The following MYO3B variants were observed in gnomAD, a reference collection of about 807,000 sequenced individuals.
The protein encoded by MYO3B is myosin-IIIb.
MYO3B carries 156 observed loss-of-function variants against 174.6 expected under a neutral mutation model. That is an observed-to-expected ratio of 0.89 (90% confidence interval 0.78 to 1.02). The LOEUF is 1.02. Ranked by LOEUF, MYO3B falls within the 50% of genes least tolerant of loss-of-function variation. MYO3B has a pLI of 0.00. For missense variants in MYO3B, 1,632 were observed against 1,639.4 expected, an observed-to-expected ratio of 1.00 and a Z score of 0.08; for synonymous variants, 563 against 569.1, an observed-to-expected ratio of 0.99 and a Z score of 0.15.
At chr2:170,576,894 G>T (rs747055249) in intron 32 of MYO3B, among the ~76,000 whole-genome samples, 9 of 152,146 alleles carry the variant, frequency 5.9e-5, no homozygotes, top group Non-Finnish European at 1.0e-4. Context: ...GTAGTTTTCT[G>T]TAAACCTTTA....
At chr2:170,592,604 C>T (rs1693885973) in intron 32 of MYO3B, among the ~76,000 whole-genome samples, 1 of 152,184 alleles carries the variant, frequency 6.6e-6, no homozygotes, top group Non-Finnish European at 1.5e-5. Flanking sequence ...GTACCAGGCC[C>T]TGTCCCTGGG....
intron 32 of MYO3B, among the ~76,000 whole-genome samples, chr2:170,572,817 A>G (rs1692528072): frequency 6.6e-6 from 1 of 152,202 alleles, no homozygotes; most frequent in South Asian, 2.1e-4. Flanking sequence ...CAAATGCACA[A>G]TGTAATATTA....
intron 32 of MYO3B, among the ~76,000 whole-genome samples, chr2:170,575,312 TTA>T (rs1160219252): frequency 6.6e-6 from 1 of 152,112 alleles, no homozygotes; most frequent in African/African-American, 2.4e-5. Flanking sequence ...TCCCATATGT[TTA>T]TATTTTTTTC....
chr2:170,649,041 TGTA>T lies in MYO3B; in HGVS notation c.3734-2586_3734-2584del, dbSNP rs1172651716. Reference sequence around the variant, plus strand: ...GTATAATATATAAAATAATATATAATGTATATTATATAAAATAATATATAATGT... The same window carrying T: ...GTATAATATATAAAATAATATATAATTATTATATAAAATAATATATAATGT... On this transcript the variant is annotated intron_variant, in intron 32 of 34. Transcript: ENST00000408978. Among the ~76,000 whole-genome samples the T allele has an allele frequency of 8.6e-5, 7 of 81,358 alleles. No homozygotes were observed. In the South Asian group the frequency reaches 3.1e-3, roughly 36 times the overall value. 53.4% of individuals were successfully genotyped at this position (81,358 alleles called of 152,430 possible).
intron 22 of MYO3B, among the ~76,000 whole-genome samples, chr2:170,442,667 G>A (rs1486480303): frequency 2.6e-5 from 4 of 151,786 alleles, no homozygotes; most frequent in East Asian, 1.9e-4. Flanking sequence ...CCCACTCCCC[G>A]ACAGGTCCTG....
chr2:170,325,334 A>G lies in MYO3B; in HGVS notation c.750-10051A>G, dbSNP rs549005372. On this transcript the variant is annotated intron_variant, in intron 7 of 34. Coordinates refer to ENST00000408978, the MANE Select transcript of MYO3B (RefSeq NM_138995.5). The stretch of plus-strand genomic sequence containing the variant: ...GCAATTCTCCTGCTTCAGCCTCCCA[A>G]GTAGCTGGGATTACAGGCACCCACC... Among the ~76,000 whole-genome samples the G allele has an allele frequency of 6.9e-4, 105 of 151,950 alleles. 1 individual carries two copies. The highest frequency in any genetic ancestry group is 2.5e-3 in the African/African-American group (102 of 41,458).
intron 25 of MYO3B, among the ~76,000 whole-genome samples, chr2:170,494,892 T>C (rs1305235420): frequency 6.6e-6 from 1 of 152,150 alleles, no homozygotes; most frequent in Non-Finnish European, 1.5e-5. Flanking sequence ...CCCATGTCCT[T>C]CTCCCTACCC....
chr2:170,198,474 A>C (rs752925503), intron 1 of MYO3B, among the ~76,000 whole-genome samples: 3 of 152,174 alleles, frequency 2.0e-5, no homozygotes, highest in Non-Finnish European at 4.4e-5. Flanking sequence ...AGGAGGAAGG[A>C]ACAAGAATTG....
intron 7 of MYO3B, among the ~76,000 whole-genome samples, chr2:170,239,738 C>T (rs1310806840): frequency 3.9e-5 from 6 of 152,192 alleles, no homozygotes; most frequent in Non-Finnish European, 8.8e-5. Flanking sequence ...ATTTGCATTT[C>T]GGCTTGTTTC....
chr2:170,184,349 C>G (rs2113652), intron 1 of MYO3B, among the ~76,000 whole-genome samples: 59,817 of 151,818 alleles, frequency 0.39, 12,100 homozygotes, highest in African/African-American at 0.48. Context: ...CACTACCCTT[C>G]CCAGCCTCTG....
At chr2:170,466,367 C>T (rs1684630135) in intron 24 of MYO3B, 139 bp from the exon 25 acceptor site, 1 of 726,088 alleles carries the variant, frequency 1.4e-6, no homozygotes, top group Non-Finnish European at 2.3e-6. Context: ...ACATTATTAT[C>T]TCCTATTGCT....
At chr2:170,430,743 C>T (rs565286548) in intron 22 of MYO3B, among the ~76,000 whole-genome samples, 161 of 152,284 alleles carry the variant, frequency 1.1e-3, no homozygotes, top group African/African-American at 3.8e-3. Context: ...TAACAAATTA[C>T]ACCTGGATTA....
intron 28 of MYO3B, among the ~76,000 whole-genome samples, chr2:170,502,959 T>G (rs1372679394): frequency 6.6e-6 from 1 of 152,200 alleles, no homozygotes; most frequent in African/African-American, 2.4e-5. Flanking sequence ...TGTTAACTTT[T>G]AACACCATCT....
chr2:170,323,791 CTGT>C lies in MYO3B; in HGVS notation c.750-11589_750-11587del, dbSNP rs567884454. ...TTATCTAATAACTTATTATTGTTAG[CTGT>C]TGTTATTATTATCATGAATGACTCA... is the stretch of plus-strand genomic sequence containing the variant. On this transcript the variant is annotated intron_variant, in intron 7 of 34. Transcript: ENST00000408978. Among the ~76,000 whole-genome samples the C allele has an allele frequency of 1.2e-3, 185 of 152,244 alleles. 1 individual carries two copies. Among genetic ancestry groups the C allele is most frequent in the Non-Finnish European group, 2.2e-3 (149 of 68,010 alleles).
intron 23 of MYO3B, among the ~76,000 whole-genome samples, chr2:170,449,405 A>C (rs1466840260): frequency 1.3e-5 from 2 of 152,234 alleles, no homozygotes; most frequent in African/African-American, 4.8e-5. Flanking sequence ...AATCAGGTAG[A>C]GAGAAAGCAA....
At chr2:170,583,795 AG>A (rs1693315791) in intron 32 of MYO3B, among the ~76,000 whole-genome samples, 1 of 152,162 alleles carries the variant, frequency 6.6e-6, no homozygotes, top group Non-Finnish European at 1.5e-5. Context: ...TCCTTGCCCA[AG>A]GTCACACAGC....
rs188771424 is a variant in MYO3B, at chr2:170,564,396, C to G, written c.3733+20408C>G. 1.5e-3 allele frequency among the ~76,000 whole-genome samples: 235 copies of G among 152,256 alleles called. 1 individual carries two copies. The highest frequency in any genetic ancestry group is 3.4e-3 in the Middle Eastern group (1 of 294). The stretch of plus-strand genomic sequence containing the variant: ...GCTGAGGCAGGAGAAGCACTTGAAC[C>G]CAGGAGATGGAGGTGGCAGTGGGCT... On this transcript the variant is annotated intron_variant, in intron 32 of 34. Coordinates refer to ENST00000408978, the MANE Select transcript of MYO3B (RefSeq NM_138995.5).
chr2:170,401,872 C>T (rs987530930), intron 18 of MYO3B, among the ~76,000 whole-genome samples, 181 bp downstream of exon 18: 3 of 149,006 alleles, frequency 2.0e-5, no homozygotes, highest in Admixed American at 6.8e-5. Flanking sequence ...GCACGATCTC[C>T]GCTCACTGCA....
At chr2:170,516,498 G>C (rs1476584153) in intron 29 of MYO3B, among the ~76,000 whole-genome samples, 1 of 151,978 alleles carries the variant, frequency 6.6e-6, no homozygotes, top group Middle Eastern at 3.4e-3. Flanking sequence ...AAAAAATTAG[G>C]CGGGCATGGC....
Sources: allele counts gnomAD v4.1 joint callset (sites outside exome capture counted in the v4.1 genomes callset), GRCh38; gene constraint gnomAD v4.1.1; transcripts MANE v1.5; gene names NCBI Gene and HGNC (gene_info 2026-07-23, HGNC 2026-07-21).